Variants in RIPOR3 observed in about 807,000 individuals in gnomAD.
RIPOR3 encodes the protein RIPOR family member 3, also known as family with sequence similarity 65 member C.
A neutral mutation model predicts 114.3 loss-of-function variants in RIPOR3; 95 were observed. The observed-to-expected ratio is 0.83, with a 90% CI of 0.70 to 0.99. The LOEUF is 0.99. Among genes scored for constraint, RIPOR3 ranks in the 50% least tolerant of loss-of-function variants. The pLI is 0.00. For missense variants in RIPOR3, 1,252 were observed against 1,266.9 expected (o/e 0.99, Z 0.18); for synonymous variants, 575 against 543.8 (o/e 1.06, Z -0.80).
chr20:50,650,139 G>A (rs1241982776), intron 1 of RIPOR3, among the ~76,000 whole-genome samples: 1 of 152,050 alleles, frequency 6.6e-6, no homozygotes, highest in Non-Finnish European at 1.5e-5. Flanking sequence ...GCAGACTATG[G>A]TCCTCTCATT....
intron 1 of RIPOR3, among the ~76,000 whole-genome samples, chr20:50,672,310 C>T (rs1190839729): frequency 6.6e-6 from 1 of 152,160 alleles, no homozygotes; most frequent in Non-Finnish European, 1.5e-5. Context: ...TACCTCTGGT[C>T]AGAAGCCAGC....
At position 50,691,188 on chromosome 20, in the gene RIPOR3, C is replaced by T. The variant is rs2087200811; in HGVS notation, c.-60G>A. The stretch of plus-strand genomic sequence containing the variant: ...GCCCTCCTTGCAGCTGCCTCACTTT[C>T]CCTATTGCCGCCAGCAAGCGTCTGC... On this transcript the variant is annotated 5_prime_UTR_variant, in exon 1 of 22. Coordinates refer to ENST00000327979, the MANE Select transcript of RIPOR3 (RefSeq NM_001290268.2). 1 of 1,289,270 alleles carries T rather than the reference C, an allele frequency of 7.8e-7. No homozygotes were observed. The highest frequency in any genetic ancestry group is 1.5e-5 in the African/African-American group (1 of 65,866). The allele number at this position is 1,289,270 out of a possible 1,614,324, so 79.9% of individuals were successfully genotyped here.
At chr20:50,623,487 G>C in intron 2 of RIPOR3, among the ~76,000 whole-genome samples, 1 of 152,174 alleles carries the variant, frequency 6.6e-6, no homozygotes, top group South Asian at 2.1e-4. Context: ...TGGATGCAAG[G>C]AGCAAGGTTT....
At chr20:50,592,760 A>C (rs1191033689) in intron 18 of RIPOR3, among the ~76,000 whole-genome samples, 1 of 152,176 alleles carries the variant, frequency 6.6e-6, no homozygotes. Flanking sequence ...TCCATAAATT[A>C]ATAAAACCAC....
rs1456384951 is a variant in RIPOR3, at chr20:50,602,270, G to T, written c.1461C>A (p.Ser487=). 25 of 1,613,810 alleles carry T rather than the reference G, an allele frequency of 1.5e-5. 1 individual carries two copies. The highest frequency in any genetic ancestry group is 2.1e-5 in the Non-Finnish European group (25 of 1,179,962). ...GGESPSLPQG[S]LFHSGTASSS... Reference sequence around the variant, plus strand: ...TCGAGGCTGTGCCGCTGTGGAACAGGGAGCCCTGTGGCAGGCTGGGGCTCT... The same window carrying T: ...TCGAGGCTGTGCCGCTGTGGAACAGTGAGCCCTGTGGCAGGCTGGGGCTCT... Residue 487 remains serine (S), a synonymous_variant, in exon 13 of 22, where the codon TCC becomes TCA. Transcript: ENST00000327979. This position sits in a 1 kb window ranked among gnomAD's most constrained non-coding sequence, Gnocchi z 4.3.
chr20:50,587,382 TC>T (rs1274703834), intron 21 of RIPOR3, 50 bp from the exon 22 acceptor site: 1 of 1,513,264 alleles, frequency 6.6e-7, no homozygotes, highest in Admixed American at 1.7e-5. Flanking sequence ...CCTTGGCACT[TC>T]CAACTCTCCT....
chr20:50,589,401 G>A (rs960363101), intron 20 of RIPOR3, among the ~76,000 whole-genome samples: 2 of 151,396 alleles, frequency 1.3e-5, no homozygotes, highest in Non-Finnish European at 2.9e-5. Flanking sequence ...TCCACCTCCC[G>A]GGTTCAAGTC....
Position 50,606,047 on chromosome 20 carries a change from CAT to C in RIPOR3, c.957-1275_957-1274del, listed in dbSNP as rs2083701280. Among the ~76,000 whole-genome samples the C allele has an allele frequency of 2.0e-5, 3 of 152,086 alleles. No homozygotes were observed. In the South Asian group the frequency reaches 6.2e-4, roughly 32 times the overall value. ...GGCGAAACCCCATCTCTCCTAAAAACATAAAAAAATTAGCTGGGCATGGTGGC... is the reference window on the plus strand; with the variant it reads ...GGCGAAACCCCATCTCTCCTAAAAACAAAAAAATTAGCTGGGCATGGTGGC... On this transcript the variant is annotated intron_variant, in intron 11 of 21. Coordinates refer to ENST00000327979, the MANE Select transcript of RIPOR3 (RefSeq NM_001290268.2).
At chr20:50,640,729 C>T (rs1309187091) in intron 1 of RIPOR3, among the ~76,000 whole-genome samples, 5 of 152,140 alleles carry the variant, frequency 3.3e-5, no homozygotes, top group African/African-American at 7.2e-5. Context: ...TGGGAGAACC[C>T]TGAGCTTCCT....
intron 6 of RIPOR3, among the ~76,000 whole-genome samples, 166 bp from the exon 7 acceptor site, chr20:50,609,888 C>T (rs957683102): frequency 6.6e-6 from 1 of 152,118 alleles, no homozygotes; most frequent in East Asian, 1.9e-4. Context: ...AAGCAGTCAC[C>T]CCTGGCCCCA....
At chr20:50,667,027 TACAA>T (rs1263404103) in intron 1 of RIPOR3, among the ~76,000 whole-genome samples, 1 of 152,184 alleles carries the variant, frequency 6.6e-6, no homozygotes, top group African/African-American at 2.4e-5. Context: ...TAACCTCCCC[TACAA>T]ACAAAGCTTT....
Position 50,676,077 on chromosome 20 carries a change from G to C in RIPOR3, c.3+15049C>G, listed in dbSNP as rs530180018. 2.0e-5 allele frequency among the ~76,000 whole-genome samples: 3 copies of C among 152,334 alleles called. No individual in the cohort carries two copies. In the East Asian group the frequency reaches 5.8e-4, roughly 29 times the overall value. On this transcript the variant is annotated intron_variant, in intron 1 of 21. Transcript: ENST00000327979. The stretch of plus-strand genomic sequence containing the variant: ...AACAGCGAAGATTCCATAAGGGCAG[G>C]AGTGTTTTTCCACCAGGAAACAAGA...
chr20:50,617,752 A>G (rs1331090409), intron 3 of RIPOR3, among the ~76,000 whole-genome samples: 1 of 149,894 alleles, frequency 6.7e-6, no homozygotes, highest in Non-Finnish European at 1.5e-5. Context: ...CAGCCTCCCG[A>G]GTAGCTGGGA....
intron 20 of RIPOR3, 73 bp from the exon 21 acceptor site, chr20:50,587,965 C>T (rs2082976767): frequency 7.0e-7 from 1 of 1,427,400 alleles, no homozygotes; most frequent in Admixed American, 1.8e-5. Context: ...CTTAGTGGCC[C>T]TGCAGGGCCA....
At chr20:50,595,056 A>G (rs985923009) in intron 16 of RIPOR3, 5 of 482,296 alleles carry the variant, frequency 1.0e-5, no homozygotes, top group African/African-American at 5.8e-5. Context: ...TGCACCTTGA[A>G]TGTGGCCTGG....
intron 1 of RIPOR3, among the ~76,000 whole-genome samples, chr20:50,644,039 G>A (rs796491161): frequency 1.6e-4 from 24 of 151,806 alleles, no homozygotes; most frequent in African/African-American, 5.3e-4. Flanking sequence ...AGGATTTCTT[G>A]AGCCCAGGAG....
chr20:50,618,270 CAAAAAAAAAAAAAAAAAAAAA>C (rs61215608), intron 3 of RIPOR3, among the ~76,000 whole-genome samples: 1 of 67,392 alleles, frequency 1.5e-5, no homozygotes, highest in Non-Finnish European at 2.6e-5. Context: ...GACTCCGTCT[CAAAAAAAAAAAAAAAAAAAAA>C]AAAAAAAAAA....
At chr20:50,593,228 CTG>C in intron 17 of RIPOR3, 32 bp from the exon 18 acceptor site, 5 of 1,600,042 alleles carry the variant, frequency 3.1e-6, no homozygotes, top group Admixed American at 1.7e-5. Flanking sequence ...TCAGGAGAAA[CTG>C]AGACCTCGAC....
chr20:50,636,879 A>G (rs1048710897), intron 1 of RIPOR3: 206 of 985,100 alleles, frequency 2.1e-4, no homozygotes, highest in Non-Finnish European at 2.2e-4. Flanking sequence ...AAAACATCTA[A>G]ATTTAACGTT....
Sources: allele counts gnomAD v4.1 joint callset (sites outside exome capture counted in the v4.1 genomes callset), GRCh38; gene constraint gnomAD v4.1.1; non-coding constraint Gnocchi (gnomAD v3.1); transcripts MANE v1.5; gene names NCBI Gene and HGNC (gene_info 2026-07-23, HGNC 2026-07-21).